Variants in STOX1 observed in about 807,000 individuals in gnomAD.
The protein encoded by STOX1 is storkhead-box protein 1.
Under a neutral mutation model 74.8 loss-of-function variants are expected in STOX1, and 57 were observed. The observed-to-expected ratio is 0.76, with a 90% CI of 0.62 to 0.95. The LOEUF is 0.95. STOX1 is among the 40% of genes least tolerant of loss of function. The pLI is 0.00. For synonymous variants in STOX1, 375 were observed against 401.3 expected, an observed-to-expected ratio of 0.93 and a Z score of 0.78; for missense variants, 1,010 against 1,117.0, an observed-to-expected ratio of 0.90 and a Z score of 1.37.
At chr10:68,880,990 G>A (rs1010182199) in intron 1 of STOX1, among the ~76,000 whole-genome samples, 1 of 152,106 alleles carries the variant, frequency 6.6e-6, no homozygotes, top group Non-Finnish European at 1.5e-5. Context: ...CACCACATCT[G>A]GTCCCTACTC....
chr10:68,829,991 T>C (rs1839363824), intron 1 of STOX1, among the ~76,000 whole-genome samples: 1 of 152,094 alleles, frequency 6.6e-6, no homozygotes, highest in African/African-American at 2.4e-5. Context: ...ACAGAGTATA[T>C]TGCAGAGAGG....
intron 1 of STOX1, among the ~76,000 whole-genome samples, chr10:68,853,287 C>T (rs1840035894): frequency 6.6e-6 from 1 of 152,102 alleles, no homozygotes; most frequent in Admixed American, 6.5e-5. Context: ...TCGCCTTAAG[C>T]AGCACTTATT....
chr10:68,866,664 A>G (rs564613118), intron 1 of STOX1, among the ~76,000 whole-genome samples: 1 of 152,188 alleles, frequency 6.6e-6, no homozygotes, highest in Non-Finnish European at 1.5e-5. Flanking sequence ...TCTTCCCAGA[A>G]GTAGTCCTAC....
chr10:68,854,326 C>T (rs891658099), intron 1 of STOX1, among the ~76,000 whole-genome samples: 5 of 151,568 alleles, frequency 3.3e-5, no homozygotes, highest in Non-Finnish European at 5.9e-5. Flanking sequence ...AGGTCTCTTT[C>T]TGTCACCCAG....
At chr10:68,875,773 C>G (rs1213511238) in intron 1 of STOX1, among the ~76,000 whole-genome samples, 4 of 152,164 alleles carry the variant, frequency 2.6e-5, no homozygotes, top group African/African-American at 9.7e-5. Flanking sequence ...TGGCCAGGGG[C>G]TTTCTAGGCC....
At chr10:68,873,424 CT>C (rs1840587186) in intron 1 of STOX1, among the ~76,000 whole-genome samples, 1 of 151,714 alleles carries the variant, frequency 6.6e-6, no homozygotes, top group South Asian at 2.1e-4. Context: ...CCACGCCCAG[CT>C]AATTTTTTTG....
In STOX1 at chr10:68,886,012, A is replaced by G. The variant is rs1207719442; in HGVS notation, c.2216A>G (p.Glu739Gly). The change falls in exon 3 of 4, where the codon GAG becomes GGG. Residue 739 changes from glutamate to glycine, a missense_variant. Transcript: ENST00000298596. Reference protein sequence around the residue: ...DGACSSLYLEEDDISENDDLR... With the variant: ...DGACSSLYLEGDDISENDDLR... ...GCCTGTAGTTCATTATATCTAGAGG[A>G]GGATGACATTTCTGAGAATGACGAC... is the stretch of plus-strand genomic sequence containing the variant. The G allele has an allele frequency of 6.2e-7, 1 of 1,614,162 alleles. No individual in the cohort carries two copies. Among genetic ancestry groups the G allele is most frequent in the Non-Finnish European group, 8.5e-7 (1 of 1,180,008 alleles).
intron 1 of STOX1, among the ~76,000 whole-genome samples, chr10:68,880,855 G>A (rs1047472049): frequency 1.3e-5 from 2 of 151,796 alleles, no homozygotes; most frequent in African/African-American, 4.8e-5. Context: ...CACCGTGTCC[G>A]GCTAATTTTT....
At chr10:68,832,891 G>A (rs1223401339) in intron 1 of STOX1, among the ~76,000 whole-genome samples, 1 of 151,910 alleles carries the variant, frequency 6.6e-6, no homozygotes, top group East Asian at 1.9e-4. Context: ...AGCCTCTTGT[G>A]TAGCTGGGAA....
chr10:68,882,812 T>A (rs1444910270), intron 2 of STOX1, among the ~76,000 whole-genome samples: 1 of 152,222 alleles, frequency 6.6e-6, no homozygotes, highest in Non-Finnish European at 1.5e-5. Context: ...TGGATCATTC[T>A]ATACATTCCC....
intron 1 of STOX1, among the ~76,000 whole-genome samples, chr10:68,868,537 G>A (rs1840463583): frequency 6.6e-6 from 1 of 152,198 alleles, no homozygotes; most frequent in Non-Finnish European, 1.5e-5. Flanking sequence ...GCATGTCACA[G>A]TGCTGCAGAG....
At chr10:68,859,860 A>G (rs1292669350) in intron 1 of STOX1, among the ~76,000 whole-genome samples, 1 of 151,898 alleles carries the variant, frequency 6.6e-6, no homozygotes, top group African/African-American at 2.4e-5. Context: ...ATCTTTTGAC[A>G]TCATGCTTGT....
chr10:68,848,524 C>T (rs1042805303), intron 1 of STOX1, among the ~76,000 whole-genome samples: 7 of 152,162 alleles, frequency 4.6e-5, no homozygotes, highest in African/African-American at 1.7e-4. Context: ...CCTTTCATGC[C>T]TCTGCTTCCC....
chr10:68,836,095 C>T (rs1270066097), intron 1 of STOX1, among the ~76,000 whole-genome samples: 2 of 152,194 alleles, frequency 1.3e-5, no homozygotes, highest in African/African-American at 2.4e-5. Flanking sequence ...TGGTCTCAGT[C>T]TCCTGACCTT....
chr10:68,841,709 G>T (rs1839695755), intron 1 of STOX1, among the ~76,000 whole-genome samples: 1 of 152,170 alleles, frequency 6.6e-6, no homozygotes, highest in South Asian at 2.1e-4. Context: ...CATGAGTGCA[G>T]AGGCTTTGGG....
At position 68,892,889 on chromosome 10, in the gene STOX1, CT is replaced by C; in HGVS notation, c.*160del. On this transcript the variant is annotated 3_prime_UTR_variant, in exon 4 of 4. Coordinates refer to ENST00000298596, the MANE Select transcript of STOX1 (RefSeq NM_152709.5). ...TTACACATTTTGTTCTAATTACTGG[CT>C]TTTTTTCCTCTTTTGGTGTCTTAAG... 7.0e-6 allele frequency: 6 copies of C among 853,492 alleles called. No homozygotes were observed. The highest frequency in any genetic ancestry group is 1.8e-5 in the South Asian group (1 of 55,054). 52.9% of individuals were successfully genotyped at this position (853,492 alleles called of 1,614,324 possible). A position where few individuals can be genotyped will look rare whatever the true frequency, so the allele number is the denominator to read the frequency against.
chr10:68,838,204 C>T (rs973281788), intron 1 of STOX1, among the ~76,000 whole-genome samples: 2 of 151,948 alleles, frequency 1.3e-5, no homozygotes, highest in Admixed American at 6.6e-5. Context: ...GTAGCTGGGA[C>T]TGCAGGCAGG....
At chr10:68,829,559 T>C (rs780335799) in intron 1 of STOX1, among the ~76,000 whole-genome samples, 1 of 152,062 alleles carries the variant, frequency 6.6e-6, no homozygotes, top group Non-Finnish European at 1.5e-5. Flanking sequence ...AAAGCACTTA[T>C]TTAATTTCCA....
intron 1 of STOX1, among the ~76,000 whole-genome samples, chr10:68,832,636 C>T (rs1486291636): frequency 6.7e-6 from 1 of 149,644 alleles, no homozygotes; most frequent in African/African-American, 2.5e-5. Flanking sequence ...TGCATTCCAG[C>T]CTGGGCAACA....
Sources: allele counts gnomAD v4.1 joint callset (sites outside exome capture counted in the v4.1 genomes callset), GRCh38; gene constraint gnomAD v4.1.1; transcripts MANE v1.5; gene names NCBI Gene and HGNC (gene_info 2026-07-23, HGNC 2026-07-21).